Variants in CACNA2D3 observed in about 807,000 individuals in gnomAD.
CACNA2D3 encodes the protein calcium voltage-gated channel auxiliary subunit alpha2delta 3, also known as voltage-dependent calcium channel subunit alpha-2/delta-3.
In CACNA2D3, 60 loss-of-function variants were observed where a neutral mutation model predicts 160.6. The ratio of observed to expected loss-of-function variants is 0.37; its 90% CI spans 0.30 to 0.46. The LOEUF (loss-of-function observed/expected upper bound fraction) is 0.46. Ranked by LOEUF, CACNA2D3 falls within the 20% of genes least tolerant of loss-of-function variation. CACNA2D3 has a pLI of 1.00. For synonymous variants in CACNA2D3, 558 were observed against 492.9 expected (o/e 1.13, Z -1.75); for missense variants, 1,205 against 1,365.0 (o/e 0.88, Z 1.85).
Position 54,519,987 on chromosome 3 carries a change from T to C in CACNA2D3, c.544+16333T>C, listed in dbSNP as rs79381973. Reference sequence around the variant, plus strand: ...GCAAAGAGTTTGAACACACCTATTATATAAAGCTGTGTCTGCATTAAGAAT... The same window carrying C: ...GCAAAGAGTTTGAACACACCTATTACATAAAGCTGTGTCTGCATTAAGAAT... On this transcript the variant is annotated intron_variant, in intron 5 of 37. Transcript: ENST00000474759. Among the ~76,000 whole-genome samples the C allele has an allele frequency of 4.8e-3, 727 of 152,352 alleles. 4 individuals carry two copies. Among genetic ancestry groups the C allele is most frequent in the African/African-American group, 0.016 (669 of 41,576 alleles).
chr3:55,008,888 T>TACATACAC (rs1553629524), intron 33 of CACNA2D3, among the ~76,000 whole-genome samples: 4 of 142,904 alleles, frequency 2.8e-5, no homozygotes, highest in African/African-American at 1.0e-4. Context: ...CCTCCCTCTA[T>TACATACAC]ACACACACAC....
At chr3:54,128,012 C>T (rs982839213) in intron 2 of CACNA2D3, among the ~76,000 whole-genome samples, 1 of 151,922 alleles carries the variant, frequency 6.6e-6, no homozygotes. Flanking sequence ...ACTGCTGCGG[C>T]CTGTGTTGCT....
chr3:55,060,457 G>C (rs957570696), intron 35 of CACNA2D3, among the ~76,000 whole-genome samples: 3 of 152,122 alleles, frequency 2.0e-5, no homozygotes, highest in African/African-American at 4.8e-5. Context: ...GTAGAGTTTT[G>C]ATACTTTGAG....
chr3:54,149,245 A>AC (rs950566388), intron 2 of CACNA2D3, among the ~76,000 whole-genome samples: 4 of 147,172 alleles, frequency 2.7e-5, no homozygotes, highest in African/African-American at 1.0e-4. Flanking sequence ...GGCCCTAATC[A>AC]CTACAGCAAG....
chr3:54,459,198 T>A (rs1700454156), intron 4 of CACNA2D3, among the ~76,000 whole-genome samples: 1 of 152,060 alleles, frequency 6.6e-6, no homozygotes, highest in Admixed American at 6.6e-5. Context: ...TGGTTCCAAG[T>A]CTTTGCTATT....
At chr3:54,653,140 G>A (rs1472102880) in intron 11 of CACNA2D3, among the ~76,000 whole-genome samples, 1 of 152,098 alleles carries the variant, frequency 6.6e-6, no homozygotes. Flanking sequence ...GGGCTCTCTG[G>A]CAACTGTATA....
intron 11 of CACNA2D3, among the ~76,000 whole-genome samples, chr3:54,683,005 A>G (rs1163757985): frequency 6.6e-6 from 1 of 152,220 alleles, no homozygotes; most frequent in African/African-American, 2.4e-5. Context: ...GATCTTGGTT[A>G]TCTTGCAAAA....
intron 4 of CACNA2D3, among the ~76,000 whole-genome samples, chr3:54,401,646 C>T (rs1191243554): frequency 1.3e-5 from 2 of 152,118 alleles, no homozygotes; most frequent in African/African-American, 4.8e-5. Flanking sequence ...ATACTATACC[C>T]ATTAAAGGTG....
At chr3:54,443,696 C>A (rs1700178209) in intron 4 of CACNA2D3, among the ~76,000 whole-genome samples, 1 of 152,154 alleles carries the variant, frequency 6.6e-6, no homozygotes, top group Non-Finnish European at 1.5e-5. Context: ...TCCTTCCTCA[C>A]TGGGTCGGCT....
At chr3:54,416,850 A>C (rs1254654285) in intron 4 of CACNA2D3, among the ~76,000 whole-genome samples, 1 of 152,206 alleles carries the variant, frequency 6.6e-6, no homozygotes, top group Non-Finnish European at 1.5e-5. Context: ...TAATACTTAT[A>C]AGGTTATTAC....
At chr3:54,800,397 C>G (rs949079446) in intron 13 of CACNA2D3, among the ~76,000 whole-genome samples, 20 of 152,214 alleles carry the variant, frequency 1.3e-4, no homozygotes, top group Admixed American at 7.2e-4. Flanking sequence ...ACCTCCAGCT[C>G]CCCCACATTA....
Position 54,569,984 on chromosome 3 carries a change from C to T in CACNA2D3, c.768C>T (p.Asp256=), listed in dbSNP as rs199884248. 125 of 1,613,834 alleles carry T rather than the reference C, an allele frequency of 7.7e-5. 1 individual carries two copies. The African/African-American group carries it at 1.2e-3, about 15-fold the overall frequency. Residue 256 remains aspartate (D), a synonymous_variant, in exon 8 of 38, where the codon GAC becomes GAT. Transcript: ENST00000474759. Reference sequence around the variant, plus strand: ...TCCAGGCAGCAACTTCTCCGAAAGACGTGGTCATTTTAGTTGACGTCAGTG... The same window carrying T: ...TCCAGGCAGCAACTTCTCCGAAAGATGTGGTCATTTTAGTTGACGTCAGTG... ...WYIQAATSPK[D]VVILVDVSGS...
At chr3:54,470,351 A>G (rs952287448) in intron 4 of CACNA2D3, among the ~76,000 whole-genome samples, 1 of 152,172 alleles carries the variant, frequency 6.6e-6, no homozygotes, top group Non-Finnish European at 1.5e-5. Flanking sequence ...AGTGAAGGAG[A>G]AATAAAATCC....
At chr3:54,838,899 T>A (rs1259548308) in intron 16 of CACNA2D3, among the ~76,000 whole-genome samples, 1 of 152,208 alleles carries the variant, frequency 6.6e-6, no homozygotes, top group Non-Finnish European at 1.5e-5. Context: ...TATCTTAAGT[T>A]TTGACATGAT....
intron 2 of CACNA2D3, among the ~76,000 whole-genome samples, chr3:54,260,047 G>GT (rs1305284599): frequency 3.3e-5 from 5 of 152,230 alleles, no homozygotes; most frequent in African/African-American, 1.2e-4. Flanking sequence ...AGTGTTTGAT[G>GT]TTTATAGACG....
chr3:54,390,897 CAA>C (rs1171935779), intron 4 of CACNA2D3, among the ~76,000 whole-genome samples: 1 of 151,726 alleles, frequency 6.6e-6, no homozygotes, highest in Non-Finnish European at 1.5e-5. Context: ...TTGTTTTTAT[CAA>C]AAAAATTTCA....
chr3:54,503,687 G>C, intron 5 of CACNA2D3, 33 bp downstream of exon 5: 1 of 1,601,562 alleles, frequency 6.2e-7, no homozygotes, highest in Middle Eastern at 1.7e-4. Context: ...CTTTTAGAAG[G>C]TGAAGAATCA....
In CACNA2D3 at chr3:54,496,608, A is replaced by G. The variant is rs762090274; in HGVS notation, c.382-6884A>G. ...GAACCGTGGCTTTCATTTTTGTTTTATTACTGGTGAATTTGATGACCAGAA... is the reference window on the plus strand; with the variant it reads ...GAACCGTGGCTTTCATTTTTGTTTTGTTACTGGTGAATTTGATGACCAGAA... On this transcript the variant is annotated intron_variant, in intron 4 of 37. Transcript: ENST00000474759. Among the ~76,000 whole-genome samples the G allele has an allele frequency of 2.6e-5, 4 of 152,098 alleles. No individual in the cohort carries two copies. In the South Asian group the frequency reaches 6.2e-4, roughly 24 times the overall value.
chr3:54,863,607 A>C (rs2106805259), intron 17 of CACNA2D3, among the ~76,000 whole-genome samples: 1 of 152,310 alleles, frequency 6.6e-6, no homozygotes, highest in Non-Finnish European at 1.5e-5. Flanking sequence ...TGGTGGGCTA[A>C]GCCGCCTCCT....
Sources: allele counts gnomAD v4.1 joint callset (sites outside exome capture counted in the v4.1 genomes callset), GRCh38; gene constraint gnomAD v4.1.1; transcripts MANE v1.5; gene names NCBI Gene and HGNC (gene_info 2026-07-23, HGNC 2026-07-21).